ARHGAP24: variants seen among roughly 807,000 people sequenced by gnomAD.
The protein encoded by ARHGAP24 is rho GTPase-activating protein 24.
A neutral mutation model predicts 76.4 loss-of-function variants in ARHGAP24; 50 were observed. The observed-to-expected ratio is 0.65, with a 90% CI of 0.52 to 0.83. ARHGAP24 has a LOEUF of 0.83. Among genes scored for constraint, ARHGAP24 ranks in the 40% least tolerant of loss-of-function variants. The pLI is 0.00. For synonymous variants in ARHGAP24, 345 were observed against 323.3 expected, an observed-to-expected ratio of 1.07 and a Z score of -0.72; for missense variants, 930 against 914.2, an observed-to-expected ratio of 1.02 and a Z score of -0.22.
At chr4:85,974,984 A>G in intron 7 of ARHGAP24, 23 bp downstream of exon 7, 3 of 1,600,158 alleles carry the variant, frequency 1.9e-6, no homozygotes, top group East Asian at 2.2e-5. Flanking sequence ...CTAAGGACAA[A>G]CGTAAACAAG....
At chr4:85,938,142 C>T (rs1209455513) in intron 4 of ARHGAP24, among the ~76,000 whole-genome samples, 1 of 152,132 alleles carries the variant, frequency 6.6e-6, no homozygotes, top group Non-Finnish European at 1.5e-5. Context: ...AATAAATTCA[C>T]CTGTGTGATT....
intron 1 of ARHGAP24, among the ~76,000 whole-genome samples, chr4:85,558,518 C>T (rs561678320): frequency 6.6e-6 from 1 of 152,102 alleles, no homozygotes; most frequent in African/African-American, 2.4e-5. Context: ...TCAAAGTCTA[C>T]CATAATATGA....
intron 8 of ARHGAP24, among the ~76,000 whole-genome samples, chr4:85,983,924 T>C (rs1739834815): frequency 6.6e-6 from 1 of 152,252 alleles, no homozygotes; most frequent in African/African-American, 2.4e-5. Context: ...AATAATAATC[T>C]TTTAAAATAT....
chr4:85,750,485 C>CTTTTTTTTTTTT (rs60635375), intron 3 of ARHGAP24, among the ~76,000 whole-genome samples: 1 of 61,616 alleles, frequency 1.6e-5, no homozygotes, highest in African/African-American at 6.9e-5. Context: ...CTTTTCATTC[C>CTTTTTTTTTTTT]TTTTTTTTTT....
intron 2 of ARHGAP24, among the ~76,000 whole-genome samples, chr4:85,578,214 A>C (rs1727466519): frequency 6.6e-6 from 1 of 152,190 alleles, no homozygotes; most frequent in Admixed American, 6.5e-5. Context: ...TAGTCCCTGG[A>C]AAAATTATGA....
intron 1 of ARHGAP24, among the ~76,000 whole-genome samples, chr4:85,541,842 TTGGAC>T (rs1366307254): frequency 5.3e-5 from 8 of 152,118 alleles, no homozygotes; most frequent in African/African-American, 1.9e-4. Flanking sequence ...GACGTTTGAG[TTGGAC>T]CTCAAACAAT....
At chr4:85,875,671 A>G (rs1324009567) in intron 3 of ARHGAP24, among the ~76,000 whole-genome samples, 7 of 131,092 alleles carry the variant, frequency 5.3e-5, no homozygotes, top group African/African-American at 2.0e-4. Context: ...ATAACATAAA[A>G]TTTATATATA....
chr4:85,587,473 G>A (rs1727909641), intron 2 of ARHGAP24, among the ~76,000 whole-genome samples: 1 of 152,206 alleles, frequency 6.6e-6, no homozygotes, highest in Non-Finnish European at 1.5e-5. Context: ...ATTTTAACAT[G>A]TAATGATGTT....
chr4:85,855,321 A>G (rs1487215942), intron 3 of ARHGAP24, among the ~76,000 whole-genome samples: 3 of 152,210 alleles, frequency 2.0e-5, no homozygotes, highest in African/African-American at 7.2e-5. Context: ...GGAACTAAAC[A>G]AAAGTGGGGT....
At chr4:85,843,552 G>A (rs577295049) in intron 3 of ARHGAP24, among the ~76,000 whole-genome samples, 1 of 151,996 alleles carries the variant, frequency 6.6e-6, no homozygotes, top group Admixed American at 6.6e-5. Context: ...ATAAATTCAT[G>A]AGTAGACATT....
At chr4:85,869,552 A>G (rs1250934030) in intron 3 of ARHGAP24, among the ~76,000 whole-genome samples, 1 of 152,112 alleles carries the variant, frequency 6.6e-6, no homozygotes, top group Non-Finnish European at 1.5e-5. Flanking sequence ...AGGAACCATT[A>G]AGCTGGACAA....
intron 1 of ARHGAP24, among the ~76,000 whole-genome samples, chr4:85,526,239 G>C (rs1156516): frequency 9.9e-5 from 15 of 151,540 alleles, no homozygotes; most frequent in Admixed American, 9.9e-4. Flanking sequence ...GCAAAACTCC[G>C]TCTCTATAAA....
intron 2 of ARHGAP24, among the ~76,000 whole-genome samples, chr4:85,636,058 C>T (rs1721297470): frequency 6.6e-6 from 1 of 151,694 alleles, no homozygotes; most frequent in South Asian, 2.1e-4. Flanking sequence ...TCAAAATTTC[C>T]CTACACGTTT....
rs372311089 is a variant in ARHGAP24, at chr4:85,619,006, G to C, written c.180+48285G>C. Among the ~76,000 whole-genome samples the C allele has an allele frequency of 9.9e-5, 15 of 152,114 alleles. No individual in the cohort carries two copies. In the East Asian group the frequency reaches 2.7e-3, roughly 27 times the overall value. On this transcript the variant is annotated intron_variant, in intron 2 of 9. Transcript: ENST00000395184. ...TTTGTCTATTTTAGCTTCCCTGCCT[G>C]TGCTTTTGATGTCATATCTAAAAAG...
At chr4:85,500,838 G>A (rs1423064343) in intron 1 of ARHGAP24, among the ~76,000 whole-genome samples, 1 of 152,022 alleles carries the variant, frequency 6.6e-6, no homozygotes, top group Non-Finnish European at 1.5e-5. Context: ...TTTACATTAG[G>A]TATTTCTCCT....
intron 1 of ARHGAP24, among the ~76,000 whole-genome samples, chr4:85,494,487 C>G (rs1168936038): frequency 4.0e-5 from 6 of 151,832 alleles, no homozygotes; most frequent in African/African-American, 1.5e-4. Context: ...GAGATCGAGA[C>G]CATCCTGGCC....
intron 1 of ARHGAP24, among the ~76,000 whole-genome samples, chr4:85,492,971 C>T (rs1265544637): frequency 6.6e-6 from 1 of 152,056 alleles, no homozygotes; most frequent in Non-Finnish European, 1.5e-5. Flanking sequence ...GTAGTCTTTC[C>T]GTATCTTACG....
chr4:85,712,934 A>G (rs918212224), intron 2 of ARHGAP24, among the ~76,000 whole-genome samples: 2 of 152,312 alleles, frequency 1.3e-5, no homozygotes, highest in South Asian at 4.1e-4. Flanking sequence ...CAAGGCAGAA[A>G]ACTAAGTTTA....
intron 4 of ARHGAP24, among the ~76,000 whole-genome samples, chr4:85,929,451 C>T (rs1171313162): frequency 6.6e-6 from 1 of 152,126 alleles, no homozygotes; most frequent in Admixed American, 6.6e-5. Flanking sequence ...AAGGCACTAG[C>T]ATTCCAAATC....
Sources: allele counts gnomAD v4.1 joint callset (sites outside exome capture counted in the v4.1 genomes callset), GRCh38; gene constraint gnomAD v4.1.1; transcripts MANE v1.5; gene names NCBI Gene and HGNC (gene_info 2026-07-23, HGNC 2026-07-21).